GRP: variants seen among roughly 807,000 people sequenced by gnomAD.
GRP encodes gastrin-releasing peptide.
Under a neutral mutation model 12.7 loss-of-function variants are expected in GRP, and 11 were observed. The observed-to-expected ratio is 0.87, with a 90% confidence interval of 0.55 to 1.44. The LOEUF (loss-of-function observed/expected upper bound fraction) is 1.44. Ranked by LOEUF, GRP falls within the 40% of genes most tolerant of loss-of-function variation. The probability of loss-of-function intolerance (pLI) is 0.00; values close to 1 mark genes in which losing one functional copy is unlikely to be tolerated. For missense variants in GRP, 212 were observed against 185.4 expected (o/e 1.14, Z -0.83); for synonymous variants, 84 against 77.7 (o/e 1.08, Z -0.43).
intron 1 of GRP, among the ~76,000 whole-genome samples, chr18:59,225,085 C>T (rs58579187): frequency 0.041 from 6,167 of 152,240 alleles, 207 homozygotes; most frequent in African/African-American, 0.085. Context: ...CATCTTTCAG[C>T]TGGAAATAGA....
At chr18:59,230,110 C>T (rs1027146380) in intron 2 of GRP, among the ~76,000 whole-genome samples, 5 of 152,126 alleles carry the variant, frequency 3.3e-5, no homozygotes, top group African/African-American at 1.2e-4. Context: ...GCTGATAAAA[C>T]AATAAGATCC....
chr18:59,226,924 T>C (rs1357552527), intron 2 of GRP, among the ~76,000 whole-genome samples: 1 of 151,984 alleles, frequency 6.6e-6, no homozygotes, highest in Admixed American at 6.5e-5. Flanking sequence ...GTCTTTCTCT[T>C]TCTTTTTTTT....
At chr18:59,226,015 C>G (rs1189579921) in intron 2 of GRP, among the ~76,000 whole-genome samples, 1 of 151,884 alleles carries the variant, frequency 6.6e-6, no homozygotes. Flanking sequence ...TTTTAACACA[C>G]AGGCCCTACA....
At position 59,225,605 on chromosome 18, in the gene GRP, C is replaced by A; in HGVS notation, c.253C>A (p.Leu85Met). The change falls in exon 2 of 3, where the codon CTG becomes ATG. Residue 85 changes from leucine (L) to methionine (M), a missense_variant. Leu to Met is a conservative substitution (Grantham distance 15, BLOSUM62 2). Coordinates refer to ENST00000256857, the MANE Select transcript of GRP (RefSeq NM_002091.5). ...IRWEEAARNL[L>M]GLIEAKENRN... Reference sequence around the variant, plus strand: ...GTGGGAAGAAGCTGCAAGGAATTTGCTGGGTCTCATAGAAGCAAAGGAGAA... The same window carrying A: ...GTGGGAAGAAGCTGCAAGGAATTTGATGGGTCTCATAGAAGCAAAGGAGAA... 6.2e-7 allele frequency: 1 copy of A among 1,614,100 alleles called. No homozygotes were observed. Among genetic ancestry groups the A allele is most frequent in the African/African-American group, 1.3e-5 (1 of 75,032 alleles).
rs1377215897 is a variant in GRP at position 59,225,871 on chromosome 18, A to C, written c.382+137A>C. On this transcript the variant is annotated intron_variant, in intron 2 of 2. Coordinates refer to ENST00000256857, the MANE Select transcript of GRP (RefSeq NM_002091.5). ...CACTACATTAGGCTAACACATGCTA[A>C]GCACATTGACAGACAATTTCTACAT... The C allele has an allele frequency of 5.0e-5, 35 of 696,530 alleles. 1 individual carries two copies. Among genetic ancestry groups the C allele is most frequent in the Non-Finnish European group, 1.2e-5 (5 of 422,476 alleles). The allele number at this position is 696,530 out of a possible 1,614,324, so 43.1% of individuals were successfully genotyped here. A position where few individuals can be genotyped will look rare whatever the true frequency, so the allele number is the denominator to read the frequency against.
At chr18:59,227,851 A>G (rs2069968357) in intron 2 of GRP, among the ~76,000 whole-genome samples, 2 of 152,206 alleles carry the variant, frequency 1.3e-5, no homozygotes, top group South Asian at 4.1e-4. Context: ...GGCAACAGCA[A>G]AAAGAATAGC....
intron 1 of GRP, 130 bp from the exon 2 acceptor site, chr18:59,225,362 A>T: frequency 3.4e-6 from 3 of 892,792 alleles, no homozygotes; most frequent in Non-Finnish European, 5.2e-6. Flanking sequence ...TCTTAATAAA[A>T]CATGATTTAT....
chr18:59,224,925 T>C (rs1040833978), intron 1 of GRP, among the ~76,000 whole-genome samples: 26 of 152,320 alleles, frequency 1.7e-4, no homozygotes, highest in African/African-American at 6.3e-4. Flanking sequence ...CAACTAAAAC[T>C]CTGAGAAAGT....
intron 1 of GRP, among the ~76,000 whole-genome samples, chr18:59,223,723 T>A (rs2069871274): frequency 6.6e-6 from 1 of 152,158 alleles, no homozygotes; most frequent in Non-Finnish European, 1.5e-5. Flanking sequence ...TTTAATTTCC[T>A]CCATATAAAT....
chr18:59,220,018 T>C (rs2069800400), upstream of GRP: 2 of 397,786 alleles, frequency 5.0e-6, no homozygotes, highest in Non-Finnish European at 8.9e-6. Flanking sequence ...GGCGGGGAGA[T>C]GGATGGTTTT....
Position 59,227,033 on chromosome 18 carries a change from C to CTT in GRP, c.382+1301_382+1302dup, listed in dbSNP as rs1370374636. Among the ~76,000 whole-genome samples the CTT allele has an allele frequency of 1.8e-4, 24 of 132,276 alleles. 1 individual carries two copies. The allele number at this position is 132,276 out of a possible 152,430, so 86.8% of individuals were successfully genotyped here. A position where few individuals can be genotyped will look rare whatever the true frequency, so the allele number is the denominator to read the frequency against. ...TCTTTCTTTCTTTCTTTCTTTCTTTCTTTCTTTCTTTCTTTCTTTCTTCCT... is the reference window on the plus strand; with the variant it reads ...TCTTTCTTTCTTTCTTTCTTTCTTTCTTTTTCTTTCTTTCTTTCTTTCTTCCT... On this transcript the variant is annotated intron_variant, in intron 2 of 2. Transcript: ENST00000256857.
Position 59,220,357 on chromosome 18 carries a change from G to A in GRP, c.92G>A (p.Gly31Glu). The A allele has an allele frequency of 6.8e-7, 1 of 1,472,388 alleles. No homozygotes were observed. The highest frequency in any genetic ancestry group is 1.3e-5 in the South Asian group (1 of 74,796). 91.2% of individuals were successfully genotyped at this position (1,472,388 alleles called of 1,614,324 possible). A position where few individuals can be genotyped will look rare whatever the true frequency, so the allele number is the denominator to read the frequency against. Residue 31 changes from glycine to glutamate, a missense_variant, in exon 1 of 3, where the codon GGG (glycine) becomes GAG (glutamate). By Grantham distance (98) the Gly-to-Glu change is moderately conservative. Coordinates refer to ENST00000256857, the MANE Select transcript of GRP (RefSeq NM_002091.5). Reference sequence around the variant, plus strand: ...GCGGTCCCGCTGCCTGCGGGCGGAGGGACCGTGCTGACCAAGATGTACCCG... The same window carrying A: ...GCGGTCCCGCTGCCTGCGGGCGGAGAGACCGTGCTGACCAAGATGTACCCG... Reference protein sequence around the residue: ...GRAVPLPAGGGTVLTKMYPRG... With the variant: ...GRAVPLPAGGETVLTKMYPRG...
intron 2 of GRP, among the ~76,000 whole-genome samples, chr18:59,229,128 A>G (rs1349760177): frequency 2.0e-5 from 3 of 152,148 alleles, no homozygotes; most frequent in Non-Finnish European, 4.4e-5. Context: ...AGCAACATAA[A>G]ATCAAGAATC....
upstream of GRP, chr18:59,220,122 GCTT>G: frequency 2.4e-6 from 1 of 413,516 alleles, no homozygotes; most frequent in Non-Finnish European, 4.2e-6. Context: ...CCCCGCCCGG[GCTT>G]CCATATAAAG....
At chr18:59,225,869 T>C (rs1421509007) in intron 2 of GRP, 135 bp downstream of exon 2, 2 of 688,906 alleles carry the variant, frequency 2.9e-6, no homozygotes, top group African/African-American at 3.7e-5. Flanking sequence ...TAACACATGC[T>C]AAGCACATTG....
chr18:59,219,957 G>T (rs2069799762), upstream of GRP, among the ~76,000 whole-genome samples: 1 of 152,260 alleles, frequency 6.6e-6, no homozygotes, highest in Non-Finnish European at 1.5e-5. Context: ...AGGCGGACGG[G>T]GCTACGAGGA....
At chr18:59,227,008 T>TCTTTCTTTCTTTCTTTCTTC (rs2069938656) in intron 2 of GRP, among the ~76,000 whole-genome samples, 1 of 124,872 alleles carries the variant, frequency 8.0e-6, no homozygotes, top group Non-Finnish European at 1.7e-5. Context: ...TTTCTTTCTT[T>TCTTTCTTTCTTTCTTTCTTC]CTTTCTTTCT....
upstream of GRP, chr18:59,220,087 C>G: frequency 2.3e-6 from 1 of 430,924 alleles, no homozygotes; most frequent in South Asian, 3.6e-5. Flanking sequence ...GCGCTCTGGT[C>G]CGCGATAGAA....
At chr18:59,222,631 AT>A (rs1487747041) in intron 1 of GRP, among the ~76,000 whole-genome samples, 5 of 152,248 alleles carry the variant, frequency 3.3e-5, no homozygotes, top group African/African-American at 1.2e-4. Context: ...GAAAATGCTT[AT>A]CCTCTTCAAT....
Sources: allele counts gnomAD v4.1 joint callset (sites outside exome capture counted in the v4.1 genomes callset), GRCh38; gene constraint gnomAD v4.1.1; transcripts MANE v1.5; gene names NCBI Gene and HGNC (gene_info 2026-07-23, HGNC 2026-07-21).